SV2B: variants seen among roughly 807,000 people sequenced by gnomAD.
The protein encoded by SV2B is synaptic vesicle glycoprotein 2B.
In SV2B, 41 loss-of-function variants were observed where a neutral mutation model predicts 73.9. The observed-to-expected ratio is 0.56, with a 90% CI of 0.43 to 0.72. The LOEUF (loss-of-function observed/expected upper bound fraction) is 0.72, where lower values mean the gene tolerates loss of function less well. SV2B is among the 30% of genes least tolerant of loss of function. The pLI is 0.00. For synonymous variants in SV2B, 314 were observed against 314.2 expected, an observed-to-expected ratio of 1.00 and a Z score of 0.01; for missense variants, 764 against 857.8, an observed-to-expected ratio of 0.89 and a Z score of 1.37.
intron 1 of SV2B, among the ~76,000 whole-genome samples, chr15:91,202,565 A>C (rs1338695699): frequency 6.6e-6 from 1 of 152,184 alleles, no homozygotes; most frequent in Non-Finnish European, 1.5e-5. Context: ...TCTAAGAGTA[A>C]ATACCTATAA....
chr15:91,224,817 C>T lies in SV2B; in HGVS notation c.-391-1056C>T, dbSNP rs959915996. Among the ~76,000 whole-genome samples the T allele has an allele frequency of 6.6e-6, 1 of 152,136 alleles. No homozygotes were observed. The highest frequency in any genetic ancestry group is 2.4e-5 in the African/African-American group (1 of 41,418). On this transcript the variant is annotated intron_variant, in intron 1 of 12. Transcript: ENST00000394232. This position sits in a 1 kb window ranked among gnomAD's most constrained non-coding sequence, Gnocchi z 4.9. ...ACATGTTCTGGCACACAGTAGGCCACAATAAATGGTGGCCCCAAGCCTTGT... is the reference window on the plus strand; with the variant it reads ...ACATGTTCTGGCACACAGTAGGCCATAATAAATGGTGGCCCCAAGCCTTGT...
At chr15:91,237,084 T>C (rs2046813792) in intron 2 of SV2B, among the ~76,000 whole-genome samples, 1 of 152,090 alleles carries the variant, frequency 6.6e-6, no homozygotes, top group African/African-American at 2.4e-5. Flanking sequence ...ACCAGTTCAA[T>C]TTCAAAAAGA....
chr15:91,196,779 T>A (rs541453126), intron 1 of SV2B, among the ~76,000 whole-genome samples: 1 of 152,294 alleles, frequency 6.6e-6, no homozygotes, highest in South Asian at 2.1e-4. Flanking sequence ...TTTGTTGGGG[T>A]GAAATTGCAG....
At chr15:91,181,001 G>GT (rs2044532422) in intron 1 of SV2B, among the ~76,000 whole-genome samples, 4 of 152,188 alleles carry the variant, frequency 2.6e-5, no homozygotes, top group African/African-American at 9.7e-5. Flanking sequence ...TTTCTGCTCT[G>GT]TTTTTTCCCC....
At chr15:91,204,147 C>T (rs1168469818) in intron 1 of SV2B, among the ~76,000 whole-genome samples, 1 of 152,160 alleles carries the variant, frequency 6.6e-6, no homozygotes, top group Admixed American at 6.5e-5. Context: ...TCTGGTAGGG[C>T]GTGCGGGACT....
chr15:91,122,761 G>A lies in SV2B; in HGVS notation c.-392+22398G>A, dbSNP rs2042374602. Among the ~76,000 whole-genome samples, 1 of 152,198 alleles carries A rather than the reference G, an allele frequency of 6.6e-6. No individual in the cohort carries two copies. Among genetic ancestry groups the A allele is most frequent in the Non-Finnish European group, 1.5e-5 (1 of 68,038 alleles). ...AAATGAAATACGCCGGGCACAGAGAGACAAACACTGCCTGATCTCACTGAT... is the reference window on the plus strand; with the variant it reads ...AAATGAAATACGCCGGGCACAGAGAAACAAACACTGCCTGATCTCACTGAT... On this transcript the variant is annotated intron_variant, in intron 1 of 12. Coordinates refer to ENST00000394232, the MANE Select transcript of SV2B (RefSeq NM_001323032.3). This position sits in a 1 kb window ranked among gnomAD's most constrained non-coding sequence, Gnocchi z 4.3.
Position 91,225,992 on chromosome 15 carries a change from T to G in SV2B, c.-272T>G. 1 of 468,148 alleles carries G rather than the reference T, an allele frequency of 2.1e-6. No individual in the cohort carries two copies. Among genetic ancestry groups the G allele is most frequent in the Non-Finnish European group, 3.8e-6 (1 of 263,236 alleles). The allele number at this position is 468,148 out of a possible 1,614,324, so 29.0% of individuals were successfully genotyped here. ...AATCAACACTTCCCAACGCAACACT[T>G]CTGAGTCTCTGAAGGAGACCAGAGC... On this transcript the variant is annotated 5_prime_UTR_variant, in exon 2 of 13. Coordinates refer to ENST00000394232, the MANE Select transcript of SV2B (RefSeq NM_001323032.3).
intron 1 of SV2B, among the ~76,000 whole-genome samples, chr15:91,211,121 C>T (rs1330306512): frequency 3.3e-5 from 5 of 152,172 alleles, no homozygotes; most frequent in African/African-American, 1.2e-4. Context: ...GCCAAATCAA[C>T]GGCAGTAGTT....
intron 1 of SV2B, among the ~76,000 whole-genome samples, chr15:91,159,046 G>A (rs1462061151): frequency 1.3e-5 from 2 of 152,042 alleles, no homozygotes; most frequent in Non-Finnish European, 2.9e-5. Context: ...GGCGTGATGA[G>A]GCTGAGTAGA....
At chr15:91,238,154 C>G (rs1178544248) in intron 2 of SV2B, among the ~76,000 whole-genome samples, 2 of 152,176 alleles carry the variant, frequency 1.3e-5, no homozygotes, top group Non-Finnish European at 2.9e-5. Flanking sequence ...TCAGTTGTTT[C>G]CCACTGTCTT....
rs2048977629 is a variant in SV2B, at chr15:91,289,693, C to T, written c.1868+13C>T. 1 of 1,608,666 alleles carries T rather than the reference C, an allele frequency of 6.2e-7. No homozygotes were observed. Among genetic ancestry groups the T allele is most frequent in the African/African-American group, 1.3e-5 (1 of 74,850 alleles). On this transcript the variant is annotated intron_variant, in intron 12 of 12. Coordinates refer to ENST00000394232, the MANE Select transcript of SV2B (RefSeq NM_001323032.3). This position sits in a 1 kb window ranked among gnomAD's most constrained non-coding sequence, Gnocchi z 4.9. Reference sequence around the variant, plus strand: ...CCACCAACCAGAGGTCAGTTCTTCCCCAGGCTTTCCTCAGGGACTTGTTTG... The same window carrying T: ...CCACCAACCAGAGGTCAGTTCTTCCTCAGGCTTTCCTCAGGGACTTGTTTG...
rs2049131674 is a variant in SV2B, at chr15:91,293,912, T to TG, written c.*1365dup. The TG allele has an allele frequency of 6.6e-6, 1 of 152,186 alleles. No individual in the cohort carries two copies. Among genetic ancestry groups the TG allele is most frequent in the Non-Finnish European group, 1.5e-5 (1 of 68,122 alleles). 9.4% of individuals were successfully genotyped at this position (152,186 alleles called of 1,614,324 possible). A position where few individuals can be genotyped will look rare whatever the true frequency, so the allele number is the denominator to read the frequency against. On this transcript the variant is annotated 3_prime_UTR_variant, in exon 13 of 13. Coordinates refer to ENST00000394232, the MANE Select transcript of SV2B (RefSeq NM_001323032.3). ...TTTGAACATAAACAGGGGTGTGGGTTGGGGGAGGAGCTTAGGACAAACCTC... is the reference window on the plus strand; with the variant it reads ...TTTGAACATAAACAGGGGTGTGGGTTGGGGGGAGGAGCTTAGGACAAACCTC...
At chr15:91,178,888 T>G (rs1333904322) in intron 1 of SV2B, among the ~76,000 whole-genome samples, 2 of 148,414 alleles carry the variant, frequency 1.3e-5, no homozygotes, top group Admixed American at 6.8e-5. Context: ...GTGTCTCTAT[T>G]TCCTTCAGTT....
intron 1 of SV2B, among the ~76,000 whole-genome samples, chr15:91,160,956 A>G (rs965082118): frequency 2.6e-5 from 4 of 152,228 alleles, no homozygotes; most frequent in African/African-American, 9.6e-5. Flanking sequence ...GCTTATCCAT[A>G]CAGTGAAACA....
chr15:91,117,706 A>G (rs78800797), intron 1 of SV2B, among the ~76,000 whole-genome samples: 10,406 of 152,310 alleles, frequency 0.068, 408 homozygotes, highest in South Asian at 0.12. Context: ...GCCAAGGCAA[A>G]TGACATGGCC....
chr15:91,141,148 T>C lies in SV2B; in HGVS notation c.-392+40785T>C, dbSNP rs1245403396. Among the ~76,000 whole-genome samples the C allele has an allele frequency of 2.6e-5, 4 of 152,202 alleles. No homozygotes were observed. In the South Asian group the frequency reaches 6.2e-4, roughly 24 times the overall value. On this transcript the variant is annotated intron_variant, in intron 1 of 12. Transcript: ENST00000394232. The surrounding 1 kb of genome is among the most constrained non-coding windows in gnomAD (Gnocchi z 4.6). The stretch of plus-strand genomic sequence containing the variant: ...CCATTTTTTAAAAAGTAGCCCTTTC[T>C]TCCACCCCATTCCCACAGGATTTTC...
rs2042333686 is a variant in SV2B, at chr15:91,121,456, A to G, written c.-392+21093A>G. 6.6e-6 allele frequency among the ~76,000 whole-genome samples: 1 copy of G among 152,122 alleles called. No homozygotes were observed. The highest frequency in any genetic ancestry group is 2.1e-4 in the South Asian group (1 of 4,824). ...ACCTTCAATTATTATTACTGTTTCTATTGCTTTATTTTCCCATAATTCTTG... is the reference window on the plus strand; with the variant it reads ...ACCTTCAATTATTATTACTGTTTCTGTTGCTTTATTTTCCCATAATTCTTG... On this transcript the variant is annotated intron_variant, in intron 1 of 12. Transcript: ENST00000394232. This position sits in a 1 kb window ranked among gnomAD's most constrained non-coding sequence, Gnocchi z 4.4.
In SV2B at chr15:91,288,385, A is replaced by C. The variant is rs2048931689; in HGVS notation, c.1709-1136A>C. On this transcript the variant is annotated intron_variant, in intron 11 of 12. Coordinates refer to ENST00000394232, the MANE Select transcript of SV2B (RefSeq NM_001323032.3). The surrounding 1 kb of genome is among the most constrained non-coding windows in gnomAD (Gnocchi z 5.8). ...CTAATTAACATATCCATCACCACAC[A>C]TATATATGTTTTGTGGTGAGAATAT... Among the ~76,000 whole-genome samples the C allele has an allele frequency of 6.6e-6, 1 of 152,202 alleles. No individual in the cohort carries two copies. The highest frequency in any genetic ancestry group is 6.5e-5 in the Admixed American group (1 of 15,274).
At chr15:91,292,306 G>C in intron 12 of SV2B, 63 bp from the exon 13 acceptor site, 1 of 1,534,026 alleles carries the variant, frequency 6.5e-7, no homozygotes, top group South Asian at 1.2e-5. Context: ...AAAAGAAAGA[G>C]CCCAGTCCTG....
Sources: allele counts gnomAD v4.1 joint callset (sites outside exome capture counted in the v4.1 genomes callset), GRCh38; gene constraint gnomAD v4.1.1; non-coding constraint Gnocchi (gnomAD v3.1); transcripts MANE v1.5; gene names NCBI Gene and HGNC (gene_info 2026-07-23, HGNC 2026-07-21).